The following RNFT2 variants were observed in gnomAD, a reference collection of about 807,000 sequenced individuals.
The protein encoded by RNFT2 is ring finger protein, transmembrane 2, also known as E3 ubiquitin-protein ligase RNFT2.
A neutral mutation model predicts 53.0 loss-of-function variants in RNFT2; 36 were observed. That is an observed-to-expected ratio of 0.68 (90% CI 0.52 to 0.90). RNFT2 has a LOEUF of 0.90. RNFT2 is among the 40% of genes least tolerant of loss of function. RNFT2 has a pLI of 0.00. For missense variants in RNFT2, 514 were observed against 585.6 expected, an observed-to-expected ratio of 0.88 and a Z score of 1.26; for synonymous variants, 260 against 253.2, an observed-to-expected ratio of 1.03 and a Z score of -0.26.
intron 10 of RNFT2, among the ~76,000 whole-genome samples, chr12:116,844,055 G>C (rs1003389515): frequency 3.9e-5 from 6 of 152,150 alleles, no homozygotes; most frequent in African/African-American, 1.2e-4. Flanking sequence ...TCCTTTCAGG[G>C]GGTCTGTGAG....
intron 10 of RNFT2, among the ~76,000 whole-genome samples, chr12:116,842,555 AT>A: frequency 6.8e-6 from 1 of 146,744 alleles, no homozygotes. Context: ...TTCCTACTTT[AT>A]TTTATTTATT....
chr12:116,744,184 C>T (rs142926115), intron 3 of RNFT2, among the ~76,000 whole-genome samples: 2 of 142,976 alleles, frequency 1.4e-5, no homozygotes, highest in African/African-American at 2.6e-5. Flanking sequence ...AGAGATCATG[C>T]GACTGCACTC....
intron 7 of RNFT2, among the ~76,000 whole-genome samples, chr12:116,824,017 T>C (rs1317800813): frequency 2.0e-5 from 3 of 152,136 alleles, no homozygotes; most frequent in Non-Finnish European, 2.9e-5. Flanking sequence ...GTCCATGCTC[T>C]TTGCCATTGT....
chr12:116,774,471 A>C (rs757091299), intron 6 of RNFT2, among the ~76,000 whole-genome samples: 19 of 152,234 alleles, frequency 1.2e-4, no homozygotes, highest in Non-Finnish European at 5.9e-5. Context: ...TCACTGCATA[A>C]GCGAATGCTA....
Position 116,849,492 on chromosome 12 carries a change from T to C in RNFT2, c.*44T>C, listed in dbSNP as rs1474514902. 1 of 1,548,874 alleles carries C rather than the reference T, an allele frequency of 6.5e-7. No homozygotes were observed. The highest frequency in any genetic ancestry group is 8.7e-7 in the Non-Finnish European group (1 of 1,144,958). On this transcript the variant is annotated 3_prime_UTR_variant, in exon 11 of 11. Coordinates refer to ENST00000257575, the MANE Select transcript of RNFT2 (RefSeq NM_001382266.1). ...CCCAGAAGGACGCCAAGGGTCAGCA[T>C]GCCCGGACCCAGCCCTGCGGGGGCT...
intron 10 of RNFT2, among the ~76,000 whole-genome samples, chr12:116,843,485 T>G (rs1480061582): frequency 1.1e-5 from 1 of 95,090 alleles, no homozygotes; most frequent in East Asian, 2.9e-4. Flanking sequence ...AGAGTGTGAC[T>G]GTGTCTCAAA....
intron 7 of RNFT2, among the ~76,000 whole-genome samples, chr12:116,790,536 G>T: frequency 6.6e-6 from 1 of 152,254 alleles, no homozygotes; most frequent in East Asian, 1.9e-4. Context: ...AGCAGCCAGT[G>T]TGGGGCCAGC....
intron 1 of RNFT2, among the ~76,000 whole-genome samples, 162 bp from the exon 2 acceptor site, chr12:116,740,183 T>TA (rs368519851): frequency 0.052 from 7,439 of 143,628 alleles, 211 homozygotes; most frequent in African/African-American, 0.057. Context: ...CACTCCGTCT[T>TA]AAAAAAAAAA....
At chr12:116,770,944 G>C (rs1167796851) in intron 6 of RNFT2, among the ~76,000 whole-genome samples, 1 of 152,108 alleles carries the variant, frequency 6.6e-6, no homozygotes, top group Non-Finnish European at 1.5e-5. Flanking sequence ...GAGGTTGGCA[G>C]ACTACAGCCA....
At chr12:116,845,127 G>A (rs1388972697) in intron 10 of RNFT2, among the ~76,000 whole-genome samples, 1 of 151,356 alleles carries the variant, frequency 6.6e-6, no homozygotes, top group Non-Finnish European at 1.5e-5. Flanking sequence ...GCCTATAGTT[G>A]TAGCTACTTG....
At chr12:116,746,262 ACT>A (rs1871888934) in intron 3 of RNFT2, among the ~76,000 whole-genome samples, 1 of 151,594 alleles carries the variant, frequency 6.6e-6, no homozygotes, top group South Asian at 2.1e-4. Flanking sequence ...CACTGAGGGG[ACT>A]CTGAGTAACT....
chr12:116,755,699 C>T, intron 5 of RNFT2: 1 of 1,502,906 alleles, frequency 6.7e-7, no homozygotes, highest in Admixed American at 1.7e-5. Context: ...TCCAGTTTTG[C>T]CATGGTAACA....
chr12:116,791,828 C>T (rs949145543), intron 7 of RNFT2, among the ~76,000 whole-genome samples: 2 of 152,126 alleles, frequency 1.3e-5, no homozygotes, highest in African/African-American at 4.8e-5. Context: ...CTATGTTGAA[C>T]CTTTTGAGGA....
In RNFT2 at chr12:116,852,014, G is replaced by A. The variant is rs528060569; in HGVS notation, c.*2566G>A. 48 of 1,354,816 alleles carry A rather than the reference G, an allele frequency of 3.5e-5. No homozygotes were observed. The highest frequency in any genetic ancestry group is 3.4e-4 in the South Asian group (23 of 67,254). 83.9% of individuals were successfully genotyped at this position (1,354,816 alleles called of 1,614,324 possible). A position where few individuals can be genotyped will look rare whatever the true frequency, so the allele number is the denominator to read the frequency against. On this transcript the variant is annotated 3_prime_UTR_variant, in exon 11 of 11. Coordinates refer to ENST00000257575, the MANE Select transcript of RNFT2 (RefSeq NM_001382266.1). ...AACCAGGGTAGTGGCATGGAGCACCGTAACCATCTGTGCTTCTGTGATCTC... is the reference window on the plus strand; with the variant it reads ...AACCAGGGTAGTGGCATGGAGCACCATAACCATCTGTGCTTCTGTGATCTC...
intron 10 of RNFT2, among the ~76,000 whole-genome samples, chr12:116,839,075 ACT>A (rs1354574125): frequency 6.6e-6 from 1 of 152,086 alleles, no homozygotes; most frequent in Non-Finnish European, 1.5e-5. Context: ...GTCTTTCCTG[ACT>A]CTGCTTCTCC....
At chr12:116,764,331 C>T (rs1872818234) in intron 5 of RNFT2, among the ~76,000 whole-genome samples, 2 of 152,130 alleles carry the variant, frequency 1.3e-5, no homozygotes, top group African/African-American at 4.8e-5. Flanking sequence ...ACCACCTGTT[C>T]ACCAAAAACC....
At chr12:116,845,817 C>A (rs181643370) in intron 10 of RNFT2, among the ~76,000 whole-genome samples, 66 of 152,230 alleles carry the variant, frequency 4.3e-4, no homozygotes, top group Admixed American at 1.6e-3. Context: ...CTCCCCTGCA[C>A]CCCCAACTAC....
chr12:116,816,811 AT>A (rs1875705160), intron 7 of RNFT2, among the ~76,000 whole-genome samples: 1 of 152,238 alleles, frequency 6.6e-6, no homozygotes, highest in South Asian at 2.1e-4. Flanking sequence ...AAAAAATAAC[AT>A]GTATGAGGTA....
At chr12:116,841,859 A>T (rs1189670280) in intron 10 of RNFT2, among the ~76,000 whole-genome samples, 1 of 25,286 alleles carries the variant, frequency 4.0e-5, no homozygotes, top group African/African-American at 1.6e-4. Flanking sequence ...ATATATAAAA[A>T]TATATATATA....
Sources: allele counts gnomAD v4.1 joint callset (sites outside exome capture counted in the v4.1 genomes callset), GRCh38; gene constraint gnomAD v4.1.1; transcripts MANE v1.5; gene names NCBI Gene and HGNC (gene_info 2026-07-23, HGNC 2026-07-21).